Variants in MACROD2 observed in about 807,000 individuals in gnomAD.
MACROD2 encodes the protein ADP-ribose glycohydrolase MACROD2.
MACROD2 carries 36 observed loss-of-function variants against 70.4 expected under a neutral mutation model. The observed-to-expected ratio is 0.51, with a 90% CI of 0.39 to 0.68. The LOEUF is 0.68. MACROD2 is among the 30% of genes least tolerant of loss of function. The pLI is 0.00. For synonymous variants in MACROD2, 172 were observed against 178.8 expected (o/e 0.96, Z 0.30); for missense variants, 496 against 538.4 (o/e 0.92, Z 0.78).
intron 3 of MACROD2, among the ~76,000 whole-genome samples, chr20:14,461,938 CA>C (rs2068727745): frequency 6.6e-6 from 1 of 151,984 alleles, no homozygotes; most frequent in Non-Finnish European, 1.5e-5. Flanking sequence ...AATAGTGCTG[CA>C]AGAAACATAC....
At chr20:14,730,979 GCACACACA>G (rs11474396) in intron 5 of MACROD2, among the ~76,000 whole-genome samples, 2 of 138,860 alleles carry the variant, frequency 1.4e-5, no homozygotes, top group African/African-American at 5.2e-5. Context: ...AACAGGTTTA[GCACACACA>G]CACACACACA....
intron 5 of MACROD2, among the ~76,000 whole-genome samples, chr20:15,136,130 T>A (rs1347413901): frequency 6.6e-6 from 1 of 150,838 alleles, no homozygotes; most frequent in Non-Finnish European, 1.5e-5. Context: ...AAAATGGCCA[T>A]ACTGCCCAAG....
At chr20:15,200,401 A>G (rs889650613) in intron 5 of MACROD2, among the ~76,000 whole-genome samples, 1 of 152,194 alleles carries the variant, frequency 6.6e-6, no homozygotes, top group African/African-American at 2.4e-5. Context: ...GGTGGGGTAA[A>G]GGTGAGAAAA....
chr20:15,142,811 T>A (rs1236681399), intron 5 of MACROD2, among the ~76,000 whole-genome samples: 1 of 152,138 alleles, frequency 6.6e-6, no homozygotes, highest in African/African-American at 2.4e-5. Flanking sequence ...GGTTTCCAGC[T>A]TCATCCATGT....
intron 5 of MACROD2, among the ~76,000 whole-genome samples, chr20:14,936,017 A>T (rs2074337620): frequency 1.3e-5 from 2 of 152,318 alleles, no homozygotes; most frequent in Middle Eastern, 6.8e-3. Context: ...CCTTAGGAAT[A>T]CCATAAGGTA....
intron 2 of MACROD2, among the ~76,000 whole-genome samples, chr20:14,071,955 CAG>C (rs567956078): frequency 3.6e-4 from 55 of 152,104 alleles, no homozygotes; most frequent in Non-Finnish European, 6.8e-4. Flanking sequence ...AAATACTAAA[CAG>C]AATTTCAGTG....
intron 5 of MACROD2, among the ~76,000 whole-genome samples, chr20:15,012,637 G>T (rs1373229921): frequency 6.6e-6 from 1 of 152,138 alleles, no homozygotes; most frequent in Non-Finnish European, 1.5e-5. Context: ...GGAAAGCAGA[G>T]CTAGCTCTGT....
intron 5 of MACROD2, among the ~76,000 whole-genome samples, chr20:14,838,753 A>C (rs1175283639): frequency 6.6e-6 from 1 of 152,132 alleles, no homozygotes; most frequent in Non-Finnish European, 1.5e-5. Context: ...GGTTTGTAAG[A>C]TAAAAGAGAG....
At chr20:14,247,726 G>A (rs1177061042) in intron 3 of MACROD2, among the ~76,000 whole-genome samples, 11 of 152,150 alleles carry the variant, frequency 7.2e-5, no homozygotes, top group Non-Finnish European at 1.3e-4. Flanking sequence ...TGAAGGAATA[G>A]AGCAGCACAC....
chr20:14,003,007 A>C (rs1014025901), intron 2 of MACROD2, among the ~76,000 whole-genome samples: 1 of 152,220 alleles, frequency 6.6e-6, no homozygotes, highest in Non-Finnish European at 1.5e-5. Flanking sequence ...AGTTTCTAAA[A>C]ACAACATAAT....
At chr20:15,635,958 G>C (rs2049357663) in intron 8 of MACROD2, among the ~76,000 whole-genome samples, 1 of 151,364 alleles carries the variant, frequency 6.6e-6, no homozygotes, top group African/African-American at 2.4e-5. Flanking sequence ...ATCCCAGCTG[G>C]TCAGCAGGCT....
intron 8 of MACROD2, among the ~76,000 whole-genome samples, chr20:15,734,025 G>A (rs2146954540): frequency 6.6e-6 from 1 of 152,304 alleles, no homozygotes; most frequent in East Asian, 1.9e-4. Context: ...TATACAGAGT[G>A]CTGTAGAAAC....
In MACROD2 at chr20:15,229,948, C is replaced by T. The variant is rs746101858; in HGVS notation, c.427C>T (p.His143Tyr). ...GYDLPAKYVI[H>Y]TVGPIARGHI... ...TCCTTTTGTATTTACAGATGTCATC[C>T]ATACTGTAGGGCCAATAGCCAGGGG... is the stretch of plus-strand genomic sequence containing the variant. Residue 143 changes from histidine to tyrosine, a missense_variant, in exon 6 of 18, where the codon CAT (histidine) becomes TAT (tyrosine). His to Tyr is a moderately conservative substitution (Grantham distance 83, BLOSUM62 2). Coordinates refer to ENST00000684519, the MANE Select transcript of MACROD2 (RefSeq NM_001351661.2). The T allele has an allele frequency of 6.2e-7, 1 of 1,611,020 alleles. No homozygotes were observed. The highest frequency in any genetic ancestry group is 2.2e-5 in the East Asian group (1 of 44,802).
Position 15,935,725 on chromosome 20 carries a change from G to T in MACROD2, c.839-1751G>T, listed in dbSNP as rs139200194. 3.3e-5 allele frequency among the ~76,000 whole-genome samples: 5 copies of T among 152,218 alleles called. No individual in the cohort carries two copies. The East Asian group carries it at 9.7e-4, about 29-fold the overall frequency. ...TCATTGTGTCATAGGCACCATTCCA[G>T]GCACTGAAGAATAAACCAACAACCA... On this transcript the variant is annotated intron_variant, in intron 11 of 17. Coordinates refer to ENST00000684519, the MANE Select transcript of MACROD2 (RefSeq NM_001351661.2).
intron 3 of MACROD2, among the ~76,000 whole-genome samples, chr20:14,370,314 G>A (rs2083310195): frequency 6.6e-6 from 1 of 152,078 alleles, no homozygotes; most frequent in Non-Finnish European, 1.5e-5. Context: ...AAGCATTTAA[G>A]TTAAATAAAA....
intron 3 of MACROD2, among the ~76,000 whole-genome samples, chr20:14,277,459 A>G (rs1036914020): frequency 1.3e-5 from 2 of 152,204 alleles, no homozygotes; most frequent in Non-Finnish European, 2.9e-5. Flanking sequence ...ACAAACAAAA[A>G]GATACACAAA....
intron 5 of MACROD2, among the ~76,000 whole-genome samples, chr20:15,033,896 T>C (rs1480258367): frequency 2.6e-5 from 4 of 152,062 alleles, no homozygotes; most frequent in Admixed American, 1.3e-4. Context: ...AGTTAAAAGG[T>C]GGGTAGGGTG....
chr20:14,903,439 G>A (rs1007289501), intron 5 of MACROD2, among the ~76,000 whole-genome samples: 9 of 152,074 alleles, frequency 5.9e-5, no homozygotes, highest in Admixed American at 5.2e-4. Context: ...AACCTTGGCT[G>A]CAGAATTCTT....
intron 5 of MACROD2, among the ~76,000 whole-genome samples, chr20:15,068,510 A>G (rs574086652): frequency 1.3e-4 from 20 of 152,116 alleles, no homozygotes; most frequent in African/African-American, 4.6e-4. Flanking sequence ...GTCATGGGAG[A>G]AGATCCTTCA....
Sources: gnomAD v4.1 joint callset for allele counts (sites outside exome capture counted in the v4.1 genomes callset) on GRCh38, gnomAD v4.1.1 for gene constraint, MANE v1.5 for transcripts, NCBI Gene and HGNC (gene_info 2026-07-23, HGNC 2026-07-21) for gene names.